Variants in CCDC38 observed in about 807,000 individuals in gnomAD.
The protein encoded by CCDC38 is coiled-coil domain-containing protein 38.
A neutral mutation model predicts 72.8 loss-of-function variants in CCDC38; 69 were observed. The observed-to-expected ratio is 0.95, with a 90% CI of 0.78 to 1.16. The LOEUF (loss-of-function observed/expected upper bound fraction) is 1.16, where lower values mean the gene tolerates loss of function less well. Among genes scored for constraint, CCDC38 ranks in the 50% most tolerant of loss-of-function variants. CCDC38 has a pLI of 0.00. For synonymous variants in CCDC38, 201 were observed against 213.2 expected (o/e 0.94, Z 0.50); for missense variants, 626 against 638.9 (o/e 0.98, Z 0.22).
intron 1 of CCDC38, 44 bp from the exon 2 acceptor site, chr12:95,936,567 C>T: frequency 6.5e-7 from 1 of 1,542,048 alleles, no homozygotes; most frequent in African/African-American, 1.4e-5. Flanking sequence ...ATTCTATGAA[C>T]ATCATATAAA....
intron 4 of CCDC38, among the ~76,000 whole-genome samples, chr12:95,907,045 CAAGCGTCTGTTTAACA>C (rs554716932): frequency 0.03 from 4,523 of 151,672 alleles, 93 homozygotes; most frequent in Non-Finnish European, 0.048. Flanking sequence ...ATGCTGCCTT[CAAGCGTCTGTTTAACA>C]AAGCACATCT....
At chr12:95,869,800 A>C in intron 14 of CCDC38, 1 of 462,554 alleles carries the variant, frequency 2.2e-6, no homozygotes. Context: ...GAAAATATAA[A>C]ATATACCCAG....
At chr12:95,938,141 GA>G (rs1456257352) in intron 1 of CCDC38, among the ~76,000 whole-genome samples, 2 of 152,010 alleles carry the variant, frequency 1.3e-5, no homozygotes, top group Non-Finnish European at 2.9e-5. Context: ...TTATAAAAGA[GA>G]AAAAAATGAA....
At chr12:95,903,529 A>G (rs746864333) in intron 5 of CCDC38, 1 of 693,432 alleles carries the variant, frequency 1.4e-6, no homozygotes, top group South Asian at 1.5e-5. Context: ...ATAAGTTTCT[A>G]GTAGATGTCC....
intron 4 of CCDC38, among the ~76,000 whole-genome samples, chr12:95,910,302 TACACAC>T (rs141853582): frequency 1.3e-3 from 190 of 148,278 alleles, no homozygotes; most frequent in African/African-American, 2.3e-3. Context: ...CCATTTACAT[TACACAC>T]ACACACACAC....
chr12:95,916,375 G>GCCTTCCTT (rs1432630349), intron 4 of CCDC38, among the ~76,000 whole-genome samples: 1 of 111,990 alleles, frequency 8.9e-6, no homozygotes, highest in East Asian at 3.3e-4. Context: ...TAAGTTGCCT[G>GCCTTCCTT]CCTGCCTTCC....
chr12:95,936,275 C>T (rs1048068023), intron 2 of CCDC38, among the ~76,000 whole-genome samples, 198 bp downstream of exon 2: 1 of 151,970 alleles, frequency 6.6e-6, no homozygotes, highest in African/African-American at 2.4e-5. Flanking sequence ...CTAAATATGA[C>T]AATTTAATGC....
At chr12:95,923,091 C>A (rs986824331) in intron 2 of CCDC38, among the ~76,000 whole-genome samples, 1 of 152,066 alleles carries the variant, frequency 6.6e-6, no homozygotes, top group South Asian at 2.1e-4. Flanking sequence ...TGCCTCACTG[C>A]TTGAACTGGG....
intron 4 of CCDC38, among the ~76,000 whole-genome samples, chr12:95,916,859 C>T (rs1157920068): frequency 6.6e-6 from 1 of 152,082 alleles, no homozygotes. Flanking sequence ...TACATTTTAT[C>T]CGCTTTTGCA....
intron 2 of CCDC38, among the ~76,000 whole-genome samples, chr12:95,926,420 A>G (rs2080271505): frequency 6.6e-6 from 1 of 150,768 alleles, no homozygotes; most frequent in African/African-American, 2.4e-5. Flanking sequence ...TGTCTATTTG[A>G]TTCTTCTCTC....
In CCDC38 at chr12:95,895,113, C is replaced by T. The variant is rs766194870; in HGVS notation, c.648G>A (p.Glu216=). The T allele has an allele frequency of 1.2e-6, 2 of 1,610,894 alleles. No individual in the cohort carries two copies. Among genetic ancestry groups the T allele is most frequent in the South Asian group, 1.1e-5 (1 of 90,086 alleles). Residue 216 remains glutamate (E), a synonymous_variant, in exon 8 of 16, where the codon GAG becomes GAA. Transcript: ENST00000344280. ...EIAKTEFLLR[E]YMKYGFFLLQ... ...GCAGAAAAAAACCATATTTCATATACTCCCTGAGGAGGAATTCTGTTTTTG... is the reference window on the plus strand; with the variant it reads ...GCAGAAAAAAACCATATTTCATATATTCCCTGAGGAGGAATTCTGTTTTTG...
In CCDC38 at chr12:95,872,801, C is replaced by T. The variant is rs141822002; in HGVS notation, c.1279-341G>A. 5.8e-3 allele frequency among the ~76,000 whole-genome samples: 882 copies of T among 152,316 alleles called. 4 individuals are homozygous for T. The highest frequency in any genetic ancestry group is 0.024 in the Middle Eastern group (7 of 294). ...TGTTGGCCAGGCTGGTCTTGAATTCCGGACCTCAGGTGATCGAGCTGCCTC... is the reference window on the plus strand; with the variant it reads ...TGTTGGCCAGGCTGGTCTTGAATTCTGGACCTCAGGTGATCGAGCTGCCTC... On this transcript the variant is annotated intron_variant, in intron 13 of 15. Transcript: ENST00000344280.
chr12:95,883,949 T>C (rs954967431), intron 10 of CCDC38, among the ~76,000 whole-genome samples: 1 of 152,196 alleles, frequency 6.6e-6, no homozygotes, highest in African/African-American at 2.4e-5. Context: ...CTTAACTTGA[T>C]AGAGTATGCA....
chr12:95,909,015 G>A (rs74804635), intron 4 of CCDC38, among the ~76,000 whole-genome samples: 13,870 of 152,070 alleles, frequency 0.091, 794 homozygotes, highest in Non-Finnish European at 0.12. Context: ...GAATGTAACT[G>A]TAGCTAGCAG....
chr12:95,902,064 G>A (rs985499836), intron 5 of CCDC38, among the ~76,000 whole-genome samples: 1 of 152,122 alleles, frequency 6.6e-6, no homozygotes, highest in African/African-American at 2.4e-5. Context: ...TATCTAAAGA[G>A]GGTTTTTGGG....
intron 4 of CCDC38, among the ~76,000 whole-genome samples, chr12:95,914,623 A>T (rs2080126358): frequency 6.6e-6 from 1 of 152,200 alleles, no homozygotes; most frequent in Non-Finnish European, 1.5e-5. Context: ...AAAATGAACT[A>T]TTCCTTAGTG....
intron 7 of CCDC38, among the ~76,000 whole-genome samples, chr12:95,897,270 A>G (rs1055945191): frequency 6.6e-6 from 1 of 152,182 alleles, no homozygotes; most frequent in African/African-American, 2.4e-5. Context: ...GAATCATGAA[A>G]TTACTGTCCA....
At chr12:95,926,728 T>C (rs553949902) in intron 2 of CCDC38, among the ~76,000 whole-genome samples, 2,544 of 151,748 alleles carry the variant, frequency 0.017, 74 homozygotes, top group African/African-American at 0.057. Context: ...TCCCAGAGAT[T>C]CTGGTATGTT....
chr12:95,911,591 T>A (rs2080094901), intron 4 of CCDC38, among the ~76,000 whole-genome samples: 1 of 151,990 alleles, frequency 6.6e-6, no homozygotes, highest in Admixed American at 6.5e-5. Context: ...GGCATACAAG[T>A]GACATCCGAT....
Sources: gnomAD v4.1 joint callset for allele counts (sites outside exome capture counted in the v4.1 genomes callset) on GRCh38, gnomAD v4.1.1 for gene constraint, MANE v1.5 for transcripts, NCBI Gene and HGNC (gene_info 2026-07-23, HGNC 2026-07-21) for gene names.